UBN1: variants seen among roughly 807,000 people sequenced by gnomAD.
The protein encoded by UBN1 is ubinuclein 1, also known as ubinuclein-1.
Under a neutral mutation model 108.5 loss-of-function variants are expected in UBN1, and 17 were observed. The observed-to-expected ratio is 0.16, with a 90% confidence interval of 0.11 to 0.24. The LOEUF is 0.24. Ranked by LOEUF, UBN1 falls within the 10% of genes least tolerant of loss-of-function variation. The pLI is 1.00. For synonymous variants in UBN1, 726 were observed against 564.2 expected (o/e 1.29, Z -4.07); for missense variants, 1,595 against 1,394.4 (o/e 1.14, Z -2.29).
chr16:4,859,290 G>C, intron 5 of UBN1, 131 bp downstream of exon 5: 2 of 1,294,706 alleles, frequency 1.5e-6, no homozygotes, highest in South Asian at 1.4e-5. Context: ...AGCCGTGCCA[G>C]GTTGATGGCT....
At chr16:4,871,105 G>T (rs769085591) in intron 11 of UBN1, 50 bp from the exon 12 acceptor site, 1 of 1,609,928 alleles carries the variant, frequency 6.2e-7, no homozygotes. Context: ...TGGAACCTTG[G>T]AGCAGCATCT....
chr16:4,874,181 C>T, intron 14 of UBN1, 30 bp from the exon 15 acceptor site: 4 of 1,519,894 alleles, frequency 2.6e-6, no homozygotes, highest in Non-Finnish European at 3.5e-6. Context: ...TTGGACCTTT[C>T]TAAACATCAA....
Position 4,853,009 on chromosome 16 carries a change from C to T in UBN1, c.92C>T (p.Ala31Val), listed in dbSNP as rs753879541. ...AAGTCCCGGAAGGAGGAGGCTGGGG[C>T]AGGAGAACAGCATCAGGACTGTGAG... The part of the protein sequence containing the change: ...LKKSRKEEAG[A>V]GEQHQDCEPA... Residue 31 changes from alanine to valine, a missense_variant, in exon 2 of 18, where the codon GCA becomes GTA. Ala to Val is a moderately conservative substitution (Grantham distance 64). Coordinates refer to ENST00000262376, the MANE Select transcript of UBN1 (RefSeq NM_001079514.3). The T allele has an allele frequency of 6.2e-7, 1 of 1,614,198 alleles. No individual in the cohort carries two copies. The highest frequency in any genetic ancestry group is 8.5e-7 in the Non-Finnish European group (1 of 1,180,034).
chr16:4,867,973 C>T (rs1434230168), intron 7 of UBN1, among the ~76,000 whole-genome samples: 1 of 152,136 alleles, frequency 6.6e-6, no homozygotes, highest in African/African-American at 2.4e-5. Context: ...ATCAGTGTTC[C>T]CAGGGTTGCT....
At position 4,874,869 on chromosome 16, in the gene UBN1, C is replaced by A. The variant is rs150590023; in HGVS notation, c.2459C>A (p.Pro820Gln). Residue 820 changes from proline (P) to glutamine (Q), a missense_variant, in exon 15 of 18, where the codon CCA (proline) becomes CAA (glutamine). Around this residue, in one of 3 missense-constraint regions of UBN1, gnomAD observed 1,398 missense variants for 1,194.7 expected, o/e 1.17. Coordinates refer to ENST00000262376, the MANE Select transcript of UBN1 (RefSeq NM_001079514.3). The stretch of plus-strand genomic sequence containing the variant: ...CAGCAGCAGAAAAACTTCACGCCCC[C>A]ATCTCCATTTGCCAATAAGCTCCAA... ...GTQQQKNFTP[P>Q]SPFANKLQGP... 1.9e-6 allele frequency: 3 copies of A among 1,614,112 alleles called. No individual in the cohort carries two copies. Among genetic ancestry groups the A allele is most frequent in the Admixed American group, 3.3e-5 (2 of 60,026 alleles).
intron 17 of UBN1, among the ~76,000 whole-genome samples, chr16:4,878,163 T>G (rs946878073): frequency 1.3e-5 from 2 of 152,166 alleles, no homozygotes; most frequent in African/African-American, 4.8e-5. Context: ...CCCGGGTTGG[T>G]ACCTTTGCAT....
chr16:4,862,912 A>G (rs1237059173), intron 7 of UBN1, among the ~76,000 whole-genome samples: 2 of 152,238 alleles, frequency 1.3e-5, no homozygotes, highest in Non-Finnish European at 2.9e-5. Context: ...AGGATCCCAT[A>G]GTCAAGGTGG....
At chr16:4,850,996 C>T (rs886933006) in intron 1 of UBN1, among the ~76,000 whole-genome samples, 1 of 152,154 alleles carries the variant, frequency 6.6e-6, no homozygotes, top group Non-Finnish European at 1.5e-5. Context: ...ATTAAAGAAT[C>T]TCTAAATACC....
rs573164100 is a variant in UBN1, at chr16:4,865,570, C to G, written c.1111-3263C>G. 2.0e-5 allele frequency among the ~76,000 whole-genome samples: 3 copies of G among 152,180 alleles called. No homozygotes were observed. The East Asian group carries it at 5.8e-4, about 29-fold the overall frequency. ...GCTGTAGTCCCAGCTGCTTGGGAAG[C>G]TGAGGCGGGAGGATTATTTGAGCCT... On this transcript the variant is annotated intron_variant, in intron 7 of 17. Coordinates refer to ENST00000262376, the MANE Select transcript of UBN1 (RefSeq NM_001079514.3).
chr16:4,868,931 C>T (rs777810956), intron 8 of UBN1, 28 bp downstream of exon 8: 6 of 1,611,570 alleles, frequency 3.7e-6, no homozygotes, highest in African/African-American at 2.7e-5. Flanking sequence ...GTCTGTCTGT[C>T]TGTCTGTTTC....
intron 7 of UBN1, among the ~76,000 whole-genome samples, chr16:4,863,289 C>T (rs117636670): frequency 3.3e-5 from 5 of 152,104 alleles, no homozygotes; most frequent in African/African-American, 1.2e-4. Flanking sequence ...CCGAAGGGTC[C>T]TCAGGTGCGC....
Position 4,860,803 on chromosome 16 carries a change from G to C in UBN1, c.811G>C (p.Val271Leu). The C allele has an allele frequency of 6.2e-7, 1 of 1,614,288 alleles. No individual in the cohort carries two copies. The highest frequency in any genetic ancestry group is 8.5e-7 in the Non-Finnish European group (1 of 1,180,054). Residue 271 changes from valine to leucine, a missense_variant, in exon 7 of 18, where the codon GTC becomes CTC. Physicochemically the swap from Val to Leu is conservative, Grantham distance 32. Around this residue, in one of 3 missense-constraint regions of UBN1, gnomAD observed 1,398 missense variants for 1,194.7 expected, o/e 1.17. Coordinates refer to ENST00000262376, the MANE Select transcript of UBN1 (RefSeq NM_001079514.3). ...GGAGGAGGAGCATAAGCCTGTTGCG[G>C]TCCCATCAGCGGAAGCTCAGGGCCT... The part of the protein sequence containing the change: ...KREEEHKPVA[V>L]PSAEAQGLRE...
chr16:4,877,525 T>C lies in UBN1; in HGVS notation c.3355+51T>C, dbSNP rs2087942485. ...ACGCGCACCGTGTGCCTTTGCCCTC[T>C]CCACCCCTAGGTGCTTTGCCGCTGC... On this transcript the variant is annotated intron_variant, in intron 17 of 17. Transcript: ENST00000262376. This position sits in a 1 kb window ranked among gnomAD's most constrained non-coding sequence, Gnocchi z 4.3. 1 of 1,545,806 alleles carries C rather than the reference T, an allele frequency of 6.5e-7. No homozygotes were observed.
At chr16:4,851,775 T>C (rs148730419) in intron 1 of UBN1, among the ~76,000 whole-genome samples, 440 of 152,128 alleles carry the variant, frequency 2.9e-3, no homozygotes, top group African/African-American at 0.01. Context: ...GTGGCTGTGA[T>C]TGGGCCACTG....
chr16:4,876,459 A>G (rs541661665), intron 15 of UBN1, among the ~76,000 whole-genome samples: 2 of 152,272 alleles, frequency 1.3e-5, no homozygotes, highest in African/African-American at 4.8e-5. Context: ...GTATGTATAT[A>G]AATATATATA....
chr16:4,872,143 C>T (rs1328129069), intron 12 of UBN1: 11 of 964,590 alleles, frequency 1.1e-5, no homozygotes, highest in African/African-American at 7.0e-5. Context: ...ATCTGTTGTG[C>T]GGATAGATCT....
At chr16:4,861,205 T>C (rs1567910505) in intron 7 of UBN1, 103 bp downstream of exon 7, 2 of 1,315,816 alleles carry the variant, frequency 1.5e-6, no homozygotes, top group East Asian at 2.5e-5. Flanking sequence ...CTTAGTGAGT[T>C]GGCAGTTAAG....
chr16:4,861,009 T>G lies in UBN1; in HGVS notation c.1017T>G (p.Leu339=). 1.2e-6 allele frequency: 2 copies of G among 1,614,196 alleles called. No individual in the cohort carries two copies. Among genetic ancestry groups the G allele is most frequent in the Non-Finnish European group, 1.7e-6 (2 of 1,180,044 alleles). Residue 339 remains leucine (L), a synonymous_variant, in exon 7 of 18, where the codon CTT becomes CTG. Transcript: ENST00000262376. The stretch of plus-strand genomic sequence containing the variant: ...ATATGGATGATGGAAGTGATTCCCT[T>G]GGGGTGGGATTGGACCAGGAATTCA... ...FRDMDDGSDS[L]GVGLDQEFRQ...
chr16:4,874,491 C>T lies in UBN1; in HGVS notation c.2081C>T (p.Thr694Ile), dbSNP rs1326686935. Residue 694 changes from threonine (T) to isoleucine (I), a missense_variant, in exon 15 of 18, where the codon ACA becomes ATA. Physicochemically the swap from Thr to Ile is moderately conservative, Grantham distance 89 (BLOSUM62 -1). This residue lies in a region of UBN1 where 1,398 missense variants were observed against 1,194.7 expected (regional missense o/e 1.17). Coordinates refer to ENST00000262376, the MANE Select transcript of UBN1 (RefSeq NM_001079514.3). ...AGAGCAGCTGGGAACTCTGAATTCA[C>T]ACTGCCTGCACCCTCAAAAGCACCT... ...NSRAAGNSEFTLPAPSKAPAE... is the reference protein window; with the variant it reads ...NSRAAGNSEFILPAPSKAPAE... 3.7e-6 allele frequency: 6 copies of T among 1,614,122 alleles called. No homozygotes were observed. The highest frequency in any genetic ancestry group is 4.2e-6 in the Non-Finnish European group (5 of 1,180,050).
Sources: gnomAD v4.1 joint callset for allele counts (sites outside exome capture counted in the v4.1 genomes callset) on GRCh38, gnomAD v4.1.1 for gene constraint, gnomAD v4.1.1 regional missense constraint, Gnocchi (gnomAD v3.1) non-coding constraint, MANE v1.5 for transcripts, NCBI Gene and HGNC (gene_info 2026-07-23, HGNC 2026-07-21) for gene names.